ADAMTSL1: variants seen among roughly 807,000 people sequenced by gnomAD.
ADAMTSL1 encodes ADAMTS like 1, also known as ADAMTS-like protein 1.
ADAMTSL1 carries 126 observed loss-of-function variants against 201.8 expected under a neutral mutation model. The observed-to-expected ratio is 0.62, with a 90% CI of 0.54 to 0.72. The LOEUF is 0.72. Among genes scored for constraint, ADAMTSL1 ranks in the 30% least tolerant of loss-of-function variants. The probability of loss-of-function intolerance (pLI) is 0.00; values close to 1 mark genes in which losing one functional copy is unlikely to be tolerated. For missense variants in ADAMTSL1, 2,679 were observed against 2,277.8 expected, an observed-to-expected ratio of 1.18 and a Z score of -3.59; for synonymous variants, 1,121 against 903.4, an observed-to-expected ratio of 1.24 and a Z score of -4.32.
At chr9:18,074,496 CTTTTCTTTTCTTTTCTTCT>C (rs1289937863) in intron 1 of ADAMTSL1, among the ~76,000 whole-genome samples, 2 of 78,640 alleles carry the variant, frequency 2.5e-5, no homozygotes, top group East Asian at 4.5e-4. Flanking sequence ...CTTTTCTTTT[CTTTTCTTTTCTTTTCTTCT>C]TTTCTTTTCT....
intron 23 of ADAMTSL1, among the ~76,000 whole-genome samples, chr9:18,864,649 T>C (rs1827395420): frequency 6.6e-6 from 1 of 152,188 alleles, no homozygotes; most frequent in East Asian, 1.9e-4. Flanking sequence ...CCCAGTTTTC[T>C]TCCCCCATGT....
chr9:18,306,161 A>G (rs996999288), intron 2 of ADAMTSL1, among the ~76,000 whole-genome samples: 2 of 152,194 alleles, frequency 1.3e-5, no homozygotes, highest in African/African-American at 4.8e-5. Flanking sequence ...AACAAAAAAG[A>G]CATCCACACA....
At chr9:18,603,053 T>C (rs1437247506) in intron 4 of ADAMTSL1, among the ~76,000 whole-genome samples, 1 of 152,214 alleles carries the variant, frequency 6.6e-6, no homozygotes, top group African/African-American at 2.4e-5. Context: ...GAAAATAATA[T>C]TTTAAAACAC....
chr9:18,167,198 A>G (rs1471303286), intron 2 of ADAMTSL1, among the ~76,000 whole-genome samples: 1 of 151,974 alleles, frequency 6.6e-6, no homozygotes, highest in African/African-American at 2.4e-5. Flanking sequence ...AGCTGGATGC[A>G]AAAACAGGAT....
At chr9:18,553,231 T>C (rs1820900853) in intron 3 of ADAMTSL1, among the ~76,000 whole-genome samples, 1 of 150,804 alleles carries the variant, frequency 6.6e-6, no homozygotes, top group African/African-American at 2.4e-5. Flanking sequence ...TTTTTCTTAT[T>C]ATACTCTTCC....
intron 2 of ADAMTSL1, among the ~76,000 whole-genome samples, chr9:18,257,871 AATACT>A (rs1452553701): frequency 6.6e-6 from 1 of 152,256 alleles, no homozygotes; most frequent in Admixed American, 6.5e-5. Flanking sequence ...AATAAGGACA[AATACT>A]ATGTGATTCC....
At chr9:18,551,114 A>G (rs1201650591) in intron 3 of ADAMTSL1, among the ~76,000 whole-genome samples, 1 of 151,928 alleles carries the variant, frequency 6.6e-6, no homozygotes, top group Non-Finnish European at 1.5e-5. Context: ...CAAAAAATAC[A>G]AAACAAAATG....
chr9:18,714,260 T>A (rs1832781025), intron 14 of ADAMTSL1, among the ~76,000 whole-genome samples: 1 of 149,962 alleles, frequency 6.7e-6, no homozygotes, highest in Non-Finnish European at 1.5e-5. Context: ...AGAGCAGAAC[T>A]GAAGGAAATA....
chr9:18,126,874 G>A (rs966053040), intron 1 of ADAMTSL1, among the ~76,000 whole-genome samples: 6 of 152,164 alleles, frequency 3.9e-5, no homozygotes, highest in African/African-American at 1.4e-4. Flanking sequence ...ACAAATAGTT[G>A]CAGTATGAGA....
intron 7 of ADAMTSL1, among the ~76,000 whole-genome samples, chr9:18,643,485 G>T (rs1564112037): frequency 1.3e-5 from 2 of 151,756 alleles, no homozygotes; most frequent in East Asian, 1.9e-4. Context: ...TCAAAAAATT[G>T]CCCAGACCAA....
At chr9:17,986,429 C>T (rs1348470202) in intron 1 of ADAMTSL1, among the ~76,000 whole-genome samples, 2 of 151,788 alleles carry the variant, frequency 1.3e-5, no homozygotes, top group African/African-American at 4.8e-5. Flanking sequence ...TGAGTATGTA[C>T]CCAAGGAGAA....
chr9:18,709,870 C>A (rs986804931), intron 14 of ADAMTSL1, among the ~76,000 whole-genome samples: 1 of 152,162 alleles, frequency 6.6e-6, no homozygotes, highest in Non-Finnish European at 1.5e-5. Flanking sequence ...GAAGATGAAG[C>A]CTTGTACCTG....
chr9:18,729,117 A>C (rs367694190), intron 15 of ADAMTSL1, among the ~76,000 whole-genome samples: 1 of 152,162 alleles, frequency 6.6e-6, no homozygotes, highest in Non-Finnish European at 1.5e-5. Flanking sequence ...GATTGCTCCT[A>C]TGATCAACCC....
At chr9:18,730,137 G>T (rs556899546) in intron 15 of ADAMTSL1, among the ~76,000 whole-genome samples, 1 of 152,228 alleles carries the variant, frequency 6.6e-6, no homozygotes, top group Non-Finnish European at 1.5e-5. Flanking sequence ...TTGAAATGAT[G>T]ATTATTGCTT....
At chr9:18,702,304 C>T (rs1831969522) in intron 13 of ADAMTSL1, among the ~76,000 whole-genome samples, 1 of 152,166 alleles carries the variant, frequency 6.6e-6, no homozygotes, top group African/African-American at 2.4e-5. Flanking sequence ...CACCTAGAGG[C>T]TAGTGCTAGC....
chr9:17,963,095 T>C (rs1817825443), intron 1 of ADAMTSL1, among the ~76,000 whole-genome samples: 1 of 152,238 alleles, frequency 6.6e-6, no homozygotes, highest in African/African-American at 2.4e-5. Context: ...AACAATTCCA[T>C]TAAAGTCCTT....
rs1832272723 is a variant in ADAMTSL1 at position 18,707,015 on chromosome 9, G to A, written c.1843G>A (p.Gly615Arg). The change falls in exon 14 of 29, where the codon GGG becomes AGG. Residue 615 changes from glycine (G) to arginine (R), a missense_variant. Gly to Arg is a moderately radical substitution (Grantham distance 125). Coordinates refer to ENST00000380548, the MANE Select transcript of ADAMTSL1 (RefSeq NM_001040272.6). Reference protein sequence around the residue: ...FDELYDWEYEGFTKCSESCGG... With the variant: ...FDELYDWEYERFTKCSESCGG... Reference sequence around the variant, plus strand: ...CGAGCTGTATGACTGGGAGTATGAGGGGTTCACCAAGTGCTCCGAGTCCTG... The same window carrying A: ...CGAGCTGTATGACTGGGAGTATGAGAGGTTCACCAAGTGCTCCGAGTCCTG... The A allele has an allele frequency of 5.0e-6, 8 of 1,613,802 alleles. No individual in the cohort carries two copies. Among genetic ancestry groups the A allele is most frequent in the African/African-American group, 1.3e-5 (1 of 74,922 alleles).
intron 2 of ADAMTSL1, among the ~76,000 whole-genome samples, chr9:18,185,993 C>A (rs895361881): frequency 5.3e-5 from 8 of 152,156 alleles, no homozygotes; most frequent in African/African-American, 1.9e-4. Flanking sequence ...CAAAGAATTA[C>A]ATATCCCTTT....
intron 1 of ADAMTSL1, among the ~76,000 whole-genome samples, chr9:18,116,986 G>A (rs1184619954): frequency 6.6e-6 from 1 of 152,178 alleles, no homozygotes; most frequent in Admixed American, 6.5e-5. Context: ...CCTTCAAATT[G>A]TAAAAGCCTA....
Sources: gnomAD v4.1 joint callset for allele counts (sites outside exome capture counted in the v4.1 genomes callset) on GRCh38, gnomAD v4.1.1 for gene constraint, MANE v1.5 for transcripts, NCBI Gene and HGNC (gene_info 2026-07-23, HGNC 2026-07-21) for gene names.